The following RAPGEF4 variants were observed in gnomAD, a reference collection of about 807,000 sequenced individuals.
RAPGEF4 encodes the protein Rap guanine nucleotide exchange factor 4.
In RAPGEF4, 66 loss-of-function variants were observed where a neutral mutation model predicts 147.9. The observed-to-expected ratio is 0.45, with a 90% CI of 0.37 to 0.55. The LOEUF is 0.55. Among genes scored for constraint, RAPGEF4 ranks in the 20% least tolerant of loss-of-function variants. The probability of loss-of-function intolerance (pLI) is 0.00; values close to 1 mark genes in which losing one functional copy is unlikely to be tolerated. For missense variants in RAPGEF4, 1,071 were observed against 1,257.3 expected (o/e 0.85, Z 2.24); for synonymous variants, 419 against 442.7 (o/e 0.95, Z 0.67).
rs1697059671 is a variant in RAPGEF4, at chr2:173,030,237, T to C, written c.2632T>C (p.Leu878=). The C allele has an allele frequency of 1.2e-6, 2 of 1,613,036 alleles. No individual in the cohort carries two copies. The highest frequency in any genetic ancestry group is 2.7e-5 in the African/African-American group (2 of 74,908). Residue 878 remains leucine, a synonymous_variant, in exon 26 of 31, where the codon TTG becomes CTG. Transcript: ENST00000397081. ...ACTAAGTAACGTTGCTGTGAGCCGC[T>C]TGGCACTAACGTGGGAGGTAAGCTT... The part of the protein sequence containing the change: ...MGLSNVAVSR[L]ALTWEKLPSK...
intron 23 of RAPGEF4, among the ~76,000 whole-genome samples, chr2:173,022,054 T>A (rs1463474810): frequency 6.6e-6 from 1 of 151,806 alleles, no homozygotes; most frequent in East Asian, 1.9e-4. Flanking sequence ...GGGAAAAAAA[T>A]GTCATAAATG....
intron 29 of RAPGEF4, among the ~76,000 whole-genome samples, chr2:173,046,817 A>G (rs996385590): frequency 1.3e-5 from 2 of 152,184 alleles, no homozygotes; most frequent in Non-Finnish European, 2.9e-5. Flanking sequence ...AAATTATCCA[A>G]TGCAGGTACA....
chr2:172,782,585 A>G (rs1024027112), intron 1 of RAPGEF4, among the ~76,000 whole-genome samples: 1 of 152,158 alleles, frequency 6.6e-6, no homozygotes, highest in Non-Finnish European at 1.5e-5. Flanking sequence ...CTCAAATTTG[A>G]GTGTAGCACT....
chr2:173,001,092 A>C (rs1447683194), intron 16 of RAPGEF4, among the ~76,000 whole-genome samples, 174 bp from the exon 17 acceptor site: 1 of 152,158 alleles, frequency 6.6e-6, no homozygotes, highest in Non-Finnish European at 1.5e-5. Context: ...ACTGATTTTC[A>C]TCTCAATCTC....
intron 4 of RAPGEF4, among the ~76,000 whole-genome samples, chr2:172,820,903 A>G (rs1426300999): frequency 1.3e-5 from 2 of 152,166 alleles, no homozygotes; most frequent in African/African-American, 2.4e-5. Context: ...ACTTTTTTTT[A>G]GAGTAAATAG....
chr2:172,849,981 T>C (rs1418453250), intron 4 of RAPGEF4, among the ~76,000 whole-genome samples: 1 of 152,154 alleles, frequency 6.6e-6, no homozygotes, highest in African/African-American at 2.4e-5. Context: ...AGGCAAGAGT[T>C]AGAAGTAAGC....
intron 4 of RAPGEF4, among the ~76,000 whole-genome samples, chr2:172,818,456 C>T (rs1351422154): frequency 6.6e-6 from 1 of 152,162 alleles, no homozygotes; most frequent in African/African-American, 2.4e-5. Context: ...GTTCAATGTT[C>T]GGTGACAGGT....
At chr2:172,812,765 G>T (rs1688146628) in intron 3 of RAPGEF4, among the ~76,000 whole-genome samples, 1 of 152,200 alleles carries the variant, frequency 6.6e-6, no homozygotes, top group South Asian at 2.1e-4. Context: ...TTAGGCAAAA[G>T]AATTCTTTCC....
rs1332441937 is a variant in RAPGEF4 at position 172,961,170 on chromosome 2, A to G, written c.640A>G (p.Ile214Val). Residue 214 changes from isoleucine (I) to valine (V), a missense_variant, in exon 8 of 31, where the codon ATT (isoleucine) becomes GTT (valine). Ile to Val is a conservative substitution (Grantham distance 29, BLOSUM62 3). Transcript: ENST00000397081. ...AGCTGGAAAAATTTTACGAAATGCC[A>G]TTCTCTCTCGAGCACCTCACATGAT... ...LRAGKILRNA[I>V]LSRAPHMIRD... 4 of 1,613,300 alleles carry G rather than the reference A, an allele frequency of 2.5e-6. No individual in the cohort carries two copies. Among genetic ancestry groups the G allele is most frequent in the Admixed American group, 3.3e-5 (2 of 59,998 alleles).
chr2:172,897,764 A>ATTTTATTTTAT (rs142965204), intron 4 of RAPGEF4, among the ~76,000 whole-genome samples: 12 of 123,928 alleles, frequency 9.7e-5, no homozygotes, highest in African/African-American at 2.4e-4. Flanking sequence ...ATTTTATTTT[A>ATTTTATTTTAT]TTTATTTTAT....
intron 15 of RAPGEF4, among the ~76,000 whole-genome samples, chr2:172,994,858 A>AT (rs34210584): frequency 0.17 from 26,342 of 150,538 alleles, 2,933 homozygotes; most frequent in Non-Finnish European, 0.25. Flanking sequence ...AAAGTAGACT[A>AT]TTTTTTTTTT....
intron 4 of RAPGEF4, among the ~76,000 whole-genome samples, chr2:172,861,441 G>A (rs1320549607): frequency 6.6e-6 from 1 of 152,228 alleles, no homozygotes; most frequent in Non-Finnish European, 1.5e-5. Context: ...GTATCTTGAA[G>A]TGCCAGTTGC....
At chr2:172,923,281 T>G (rs1684949284) in intron 6 of RAPGEF4, among the ~76,000 whole-genome samples, 1 of 152,172 alleles carries the variant, frequency 6.6e-6, no homozygotes, top group Admixed American at 6.6e-5. Context: ...TGGTTTTTGT[T>G]TTTTTGTGAT....
intron 4 of RAPGEF4, among the ~76,000 whole-genome samples, chr2:172,853,472 A>G (rs910351062): frequency 6.6e-6 from 1 of 152,002 alleles, no homozygotes; most frequent in Non-Finnish European, 1.5e-5. Context: ...TTGCAGATAC[A>G]CTGCAAAGAA....
chr2:172,919,424 C>T (rs919468577), intron 5 of RAPGEF4, among the ~76,000 whole-genome samples: 1 of 152,122 alleles, frequency 6.6e-6, no homozygotes, highest in African/African-American at 2.4e-5. Context: ...TTCCCGTTGC[C>T]CACGTCCAGA....
At chr2:173,025,442 A>T (rs1696565771) in intron 23 of RAPGEF4, among the ~76,000 whole-genome samples, 1 of 152,024 alleles carries the variant, frequency 6.6e-6, no homozygotes. Flanking sequence ...TTTATTTTTT[A>T]TTTTATTTTA....
At chr2:172,843,231 C>T (rs906673119) in intron 4 of RAPGEF4, among the ~76,000 whole-genome samples, 4 of 151,960 alleles carry the variant, frequency 2.6e-5, no homozygotes, top group Non-Finnish European at 5.9e-5. Flanking sequence ...AGGAATAATA[C>T]GATGTTCAAA....
chr2:172,937,067 T>C (rs1220244765), intron 6 of RAPGEF4, among the ~76,000 whole-genome samples: 1 of 145,880 alleles, frequency 6.9e-6, no homozygotes, highest in Non-Finnish European at 1.5e-5. Flanking sequence ...AAAAGTCTTT[T>C]TTAATTAGTC....
In RAPGEF4 at chr2:172,988,261, A is replaced by G. The variant is rs538685866; in HGVS notation, c.1216A>G (p.Ile406Val). The G allele has an allele frequency of 6.2e-7, 1 of 1,611,874 alleles. No individual in the cohort carries two copies. The highest frequency in any genetic ancestry group is 8.5e-7 in the Non-Finnish European group (1 of 1,179,510). The change falls in exon 13 of 31, where the codon ATT (isoleucine) becomes GTT (valine). Residue 406 changes from isoleucine (I) to valine (V), a missense_variant. Transcript: ENST00000397081. ...TCTAAAAGGATCAGTGAATGTAGTCATTTACGGCAAGGTATATATATCTTT... is the reference window on the plus strand; with the variant it reads ...TCTAAAAGGATCAGTGAATGTAGTCGTTTACGGCAAGGTATATATATCTTT... ...IILKGSVNVV[I>V]YGKGVVCTLH...
Sources: allele counts gnomAD v4.1 joint callset (sites outside exome capture counted in the v4.1 genomes callset), GRCh38; gene constraint gnomAD v4.1.1; transcripts MANE v1.5; gene names NCBI Gene and HGNC (gene_info 2026-07-23, HGNC 2026-07-21).